SLC16A1: variants seen among roughly 807,000 people sequenced by gnomAD.
The protein encoded by SLC16A1 is monocarboxylate transporter 1.
In SLC16A1, 11 loss-of-function variants were observed where a neutral mutation model predicts 32.2. That is an observed-to-expected ratio of 0.34 (90% CI 0.21 to 0.56). The LOEUF is 0.56. Ranked by LOEUF, SLC16A1 falls within the 20% of genes least tolerant of loss-of-function variation. The pLI is 0.87. For synonymous variants in SLC16A1, 231 were observed against 226.8 expected (o/e 1.02, Z -0.17); for missense variants, 435 against 615.0 (o/e 0.71, Z 3.10).
At chr1:112,925,402 C>A (rs1648905850) in intron 2 of SLC16A1, among the ~76,000 whole-genome samples, 1 of 148,508 alleles carries the variant, frequency 6.7e-6, no homozygotes, top group African/African-American at 2.5e-5. Flanking sequence ...AAATTTGAGA[C>A]AAGGTGTTGT....
Position 112,922,069 on chromosome 1 carries a change from G to A in SLC16A1, c.282C>T (p.Cys94=). 1 of 1,614,126 alleles carries A rather than the reference G, an allele frequency of 6.2e-7. No homozygotes were observed. The highest frequency in any genetic ancestry group is 8.5e-7 in the Non-Finnish European group (1 of 1,180,012). ...GSRIVMIVGG[C]LSGCGLIAAS... ...CTGCAATCAAGCCACAGCCTGACAA[G>A]CAGCCACCAACAATCATGACTATAC... The change falls in exon 3 of 5, where the codon TGC becomes TGT. Residue 94 remains cysteine (C), a synonymous_variant. Transcript: ENST00000369626.
In SLC16A1 at chr1:112,912,364, A is replaced by G. The variant is rs1315214886; in HGVS notation, c.*1527T>C. The G allele has an allele frequency of 6.6e-6, 1 of 152,256 alleles. No homozygotes were observed. Among genetic ancestry groups the G allele is most frequent in the African/African-American group, 2.4e-5 (1 of 41,472 alleles). 9.4% of individuals were successfully genotyped at this position (152,256 alleles called of 1,614,324 possible). On this transcript the variant is annotated 3_prime_UTR_variant, in exon 5 of 5. Transcript: ENST00000369626. ...ATTTGGGAGAAGAAATGTTTTCTTA[A>G]AAAATGTTTATTTGGAAAAGTCAGC... is the stretch of plus-strand genomic sequence containing the variant.
intron 1 of SLC16A1, among the ~76,000 whole-genome samples, chr1:112,941,017 G>A (rs1649488377): frequency 6.6e-6 from 1 of 152,030 alleles, no homozygotes; most frequent in South Asian, 2.1e-4. Context: ...GGGAACAATA[G>A]ACACTGGGGA....
chr1:112,949,320 A>G (rs1313881272), intron 1 of SLC16A1, among the ~76,000 whole-genome samples: 1 of 152,228 alleles, frequency 6.6e-6, no homozygotes, highest in Non-Finnish European at 1.5e-5. Flanking sequence ...AAGTGCTGGG[A>G]TTACAGGCGT....
intron 1 of SLC16A1, among the ~76,000 whole-genome samples, chr1:112,931,191 G>A (rs997042365): frequency 9.9e-5 from 15 of 151,846 alleles, no homozygotes; most frequent in African/African-American, 1.7e-4. Context: ...TCTGAACACC[G>A]AAAATTTTCA....
Position 112,929,248 on chromosome 1 carries a change from C to T in SLC16A1, c.61G>A (p.Ala21Thr), listed in dbSNP as rs1472949689. ...GAAATGAAAGCTCCAATTACCACTG[C>T]CCAGCCCCAGCCTCCATCTGGGGGG... is the stretch of plus-strand genomic sequence containing the variant. ...YTPPDGGWGW[A>T]VVIGAFISIG... Residue 21 changes from alanine to threonine, a missense_variant, in exon 2 of 5, where the codon GCA becomes ACA. Transcript: ENST00000369626. The T allele has an allele frequency of 4.3e-6, 7 of 1,614,016 alleles. No individual in the cohort carries two copies. Among genetic ancestry groups the T allele is most frequent in the Non-Finnish European group, 5.9e-6 (7 of 1,180,026 alleles).
intron 1 of SLC16A1, among the ~76,000 whole-genome samples, chr1:112,950,476 G>A (rs971034544): frequency 2.0e-5 from 3 of 152,200 alleles, no homozygotes; most frequent in Admixed American, 2.0e-4. Context: ...AGTAGATTTT[G>A]AGGAAATTCT....
intron 1 of SLC16A1, among the ~76,000 whole-genome samples, chr1:112,943,346 T>G (rs887340589): frequency 3.3e-5 from 5 of 150,142 alleles, no homozygotes; most frequent in African/African-American, 7.4e-5. Flanking sequence ...AGGCGGAGGC[T>G]GCAGTGAGTG....
rs760887058 is a variant in SLC16A1 at position 112,921,971 on chromosome 1, T to A, written c.361+19A>T. 3.1e-6 allele frequency: 5 copies of A among 1,613,512 alleles called. No individual in the cohort carries two copies. The Admixed American group carries it at 5.0e-5, about 16-fold the overall frequency. On this transcript the variant is annotated intron_variant, in intron 3 of 4. Coordinates refer to ENST00000369626, the MANE Select transcript of SLC16A1 (RefSeq NM_003051.4). ...CCAGCCATAAACTAATGCTTCCAAA[T>A]GAATCAGTAGTAACTCACCTCCAAT...
chr1:112,933,836 A>G (rs939357465), intron 1 of SLC16A1, among the ~76,000 whole-genome samples: 1 of 152,200 alleles, frequency 6.6e-6, no homozygotes, highest in African/African-American at 2.4e-5. Flanking sequence ...AAAGTTATAG[A>G]TATATTTAAC....
At chr1:112,932,383 A>T (rs1212941288) in intron 1 of SLC16A1, among the ~76,000 whole-genome samples, 1 of 152,126 alleles carries the variant, frequency 6.6e-6, no homozygotes, top group African/African-American at 2.4e-5. Context: ...TAAATTGTTT[A>T]AAAATTGGGT....
chr1:112,925,884 A>G (rs1386021316), intron 2 of SLC16A1, among the ~76,000 whole-genome samples: 3 of 152,224 alleles, frequency 2.0e-5, no homozygotes, highest in Non-Finnish European at 2.9e-5. Context: ...TCAGTTACTT[A>G]TAGTCTAGTT....
chr1:112,919,760 C>T (rs1420866024), intron 3 of SLC16A1, among the ~76,000 whole-genome samples: 1 of 152,192 alleles, frequency 6.6e-6, no homozygotes, highest in South Asian at 2.1e-4. Context: ...ATAAGCTCTA[C>T]GGTCTATGAT....
Position 112,913,521 on chromosome 1 carries a change from C to T in SLC16A1, c.*370G>A. The T allele has an allele frequency of 5.2e-6, 1 of 191,642 alleles. No homozygotes were observed. The highest frequency in any genetic ancestry group is 1.1e-5 in the Non-Finnish European group (1 of 91,648). 11.9% of individuals were successfully genotyped at this position (191,642 alleles called of 1,614,324 possible). On this transcript the variant is annotated 3_prime_UTR_variant, in exon 5 of 5. Transcript: ENST00000369626. ...TCAAACAAGTTAGTTGTTATTTTTC[C>T]TTTTAACACAACACTCGAAATAGAT...
intron 1 of SLC16A1, among the ~76,000 whole-genome samples, chr1:112,936,550 T>G (rs967489504): frequency 1.3e-5 from 2 of 151,730 alleles, no homozygotes; most frequent in Non-Finnish European, 2.9e-5. Context: ...TTTTTCAATA[T>G]TCTCCAATAT....
intron 2 of SLC16A1, among the ~76,000 whole-genome samples, chr1:112,926,665 G>A (rs1648950344): frequency 6.6e-6 from 1 of 152,086 alleles, no homozygotes. Context: ...TTTGAGCCTA[G>A]GAGTTCAAGA....
intron 1 of SLC16A1, among the ~76,000 whole-genome samples, chr1:112,933,067 C>T (rs1346794574): frequency 2.0e-5 from 3 of 152,072 alleles, no homozygotes; most frequent in African/African-American, 4.8e-5. Context: ...GATATGTACA[C>T]TGAAAACTAT....
rs898693801 is a variant in SLC16A1, at chr1:112,912,833, C to T, written c.*1058G>A. The stretch of plus-strand genomic sequence containing the variant: ...AAAAAAAAAAACAAAAAAACAAAAA[C>T]ACCAAACACACACATATCTCACACA... On this transcript the variant is annotated 3_prime_UTR_variant, in exon 5 of 5. Transcript: ENST00000369626. 2 of 146,780 alleles carry T rather than the reference C, an allele frequency of 1.4e-5. No individual in the cohort carries two copies. Among genetic ancestry groups the T allele is most frequent in the Admixed American group, 6.7e-5 (1 of 14,822 alleles). The allele number at this position is 146,780 out of a possible 1,614,324, so 9.1% of individuals were successfully genotyped here.
chr1:112,921,346 A>C (rs755777965), intron 3 of SLC16A1, among the ~76,000 whole-genome samples: 4 of 152,174 alleles, frequency 2.6e-5, no homozygotes, highest in Non-Finnish European at 5.9e-5. Context: ...TATTAAAACA[A>C]ACACACAGCA....
Sources: allele counts gnomAD v4.1 joint callset (sites outside exome capture counted in the v4.1 genomes callset), GRCh38; gene constraint gnomAD v4.1.1; transcripts MANE v1.5; gene names NCBI Gene and HGNC (gene_info 2026-07-23, HGNC 2026-07-21).